Variants in SDCCAG8 observed in about 807,000 individuals in gnomAD.
SDCCAG8 encodes the protein SHH signaling and ciliogenesis regulator SDCCAG8.
Under a neutral mutation model 101.8 loss-of-function variants are expected in SDCCAG8, and 74 were observed. The ratio of observed to expected loss-of-function variants is 0.73; its 90% CI spans 0.60 to 0.88. The LOEUF (loss-of-function observed/expected upper bound fraction) is 0.88. Among genes scored for constraint, SDCCAG8 ranks in the 40% least tolerant of loss-of-function variants. The pLI, the probability that SDCCAG8 is intolerant of heterozygous loss-of-function variation, is 0.00. For missense variants in SDCCAG8, 787 were observed against 822.6 expected (o/e 0.96, Z 0.53); for synonymous variants, 281 against 292.9 (o/e 0.96, Z 0.41).
intron 16 of SDCCAG8, among the ~76,000 whole-genome samples, chr1:243,480,208 C>A (rs779028714): frequency 6.7e-6 from 1 of 150,352 alleles, no homozygotes; most frequent in Admixed American, 6.6e-5. Context: ...TGGAAGCACA[C>A]AACTCTATGA....
chr1:243,324,706 C>T (rs1558296401), intron 9 of SDCCAG8, among the ~76,000 whole-genome samples: 2 of 152,076 alleles, frequency 1.3e-5, no homozygotes, highest in Admixed American at 6.6e-5. Context: ...TCATCTAATT[C>T]CAGCATACTT....
chr1:243,481,124 G>A lies in SDCCAG8; in HGVS notation c.1986-7890G>A, dbSNP rs1236685903. Among the ~76,000 whole-genome samples, 2 of 152,082 alleles carry A rather than the reference G, an allele frequency of 1.3e-5. 1 individual carries two copies. The highest frequency in any genetic ancestry group is 4.8e-5 in the African/African-American group (2 of 41,378). ...TGAGATCAAGTGCTCAGGATCCTTG[G>A]CCTCTCCACTTGGAGTCATGAGTGT... On this transcript the variant is annotated intron_variant, in intron 16 of 17. Coordinates refer to ENST00000366541, the MANE Select transcript of SDCCAG8 (RefSeq NM_006642.5).
At chr1:243,289,231 AG>A (rs1304101537) in intron 5 of SDCCAG8, among the ~76,000 whole-genome samples, 2 of 152,182 alleles carry the variant, frequency 1.3e-5, no homozygotes, top group Admixed American at 1.3e-4. Context: ...CTGAGGTACA[AG>A]AACAGGAAGC....
At chr1:243,415,367 A>G (rs1235427112) in intron 13 of SDCCAG8, among the ~76,000 whole-genome samples, 1 of 152,194 alleles carries the variant, frequency 6.6e-6, no homozygotes, top group East Asian at 1.9e-4. Context: ...AAGATTGACC[A>G]CTCAGAAGAT....
chr1:243,424,707 T>G (rs2148037616), intron 15 of SDCCAG8, among the ~76,000 whole-genome samples: 1 of 152,202 alleles, frequency 6.6e-6, no homozygotes, highest in South Asian at 2.1e-4. Context: ...AAAGAAAGGT[T>G]GTTTCTAGAA....
At chr1:243,361,129 A>G (rs1006604432) in intron 12 of SDCCAG8, among the ~76,000 whole-genome samples, 1 of 152,156 alleles carries the variant, frequency 6.6e-6, no homozygotes, top group Non-Finnish European at 1.5e-5. Context: ...GTCACTGGTT[A>G]GCAAGGTGCT....
intron 4 of SDCCAG8, among the ~76,000 whole-genome samples, chr1:243,283,511 T>C (rs1459302120): frequency 6.6e-6 from 1 of 151,494 alleles, no homozygotes; most frequent in Admixed American, 6.6e-5. Context: ...ATTGCACTTC[T>C]TTTTTGGAAA....
intron 9 of SDCCAG8, among the ~76,000 whole-genome samples, chr1:243,325,853 A>G (rs1353907564): frequency 2.0e-5 from 3 of 152,240 alleles, no homozygotes; most frequent in Admixed American, 6.5e-5. Flanking sequence ...TTGTTTGAAA[A>G]TGGAAGTTAT....
At chr1:243,499,384 C>T (rs982291203) in intron 17 of SDCCAG8, among the ~76,000 whole-genome samples, 1 of 152,208 alleles carries the variant, frequency 6.6e-6, no homozygotes, top group Non-Finnish European at 1.5e-5. Context: ...AATTACCTGC[C>T]GTTAAGGTCA....
chr1:243,357,897 A>G (rs1457609765), intron 12 of SDCCAG8, among the ~76,000 whole-genome samples: 1 of 152,234 alleles, frequency 6.6e-6, no homozygotes, highest in East Asian at 1.9e-4. Flanking sequence ...CACAGGTAAA[A>G]GAAAGAACTT....
chr1:243,391,452 T>C (rs2078692912), intron 13 of SDCCAG8, among the ~76,000 whole-genome samples: 1 of 152,132 alleles, frequency 6.6e-6, no homozygotes, highest in Admixed American at 6.5e-5. Flanking sequence ...TCAGAAAATG[T>C]TTGGAAGCAG....
chr1:243,424,323 T>G (rs911120447), intron 15 of SDCCAG8, among the ~76,000 whole-genome samples: 29 of 152,164 alleles, frequency 1.9e-4, no homozygotes, highest in African/African-American at 6.5e-4. Flanking sequence ...ACCAGTGACA[T>G]CTACATTTTG....
chr1:243,425,743 G>A (rs1039243293), intron 15 of SDCCAG8, among the ~76,000 whole-genome samples: 3 of 152,102 alleles, frequency 2.0e-5, no homozygotes, highest in Non-Finnish European at 4.4e-5. Context: ...TTGAGACTTG[G>A]ATTGTCATCT....
chr1:243,345,654 A>T (rs2075660782), intron 12 of SDCCAG8, among the ~76,000 whole-genome samples: 1 of 152,196 alleles, frequency 6.6e-6, no homozygotes. Context: ...AATATTTTGG[A>T]CTAACTGCAA....
At chr1:243,379,014 A>G (rs2077771778) in intron 13 of SDCCAG8, 151 bp downstream of exon 13, 2 of 931,126 alleles carry the variant, frequency 2.1e-6, no homozygotes, top group African/African-American at 1.6e-5. Context: ...GTGGTAAGCA[A>G]AACACCCAGA....
chr1:243,494,269 T>G (rs906965408), intron 17 of SDCCAG8, among the ~76,000 whole-genome samples: 5 of 152,186 alleles, frequency 3.3e-5, no homozygotes, highest in Non-Finnish European at 5.9e-5. Flanking sequence ...GTCTCAAAAA[T>G]AAACACTGAT....
chr1:243,486,387 C>T (rs1213199649), intron 16 of SDCCAG8, among the ~76,000 whole-genome samples: 1 of 152,096 alleles, frequency 6.6e-6, no homozygotes, highest in Non-Finnish European at 1.5e-5. Context: ...TGTGGACATC[C>T]TGGTCAGCTG....
chr1:243,313,639 A>C (rs375494266), intron 8 of SDCCAG8, among the ~76,000 whole-genome samples: 7 of 152,286 alleles, frequency 4.6e-5, no homozygotes, highest in South Asian at 4.1e-4. Flanking sequence ...ACACATTCAC[A>C]TGGTGTTTCC....
chr1:243,426,548 A>G lies in SDCCAG8; in HGVS notation c.1975A>G (p.Met659Val), dbSNP rs537214737. 2 of 1,614,058 alleles carry G rather than the reference A, an allele frequency of 1.2e-6. No homozygotes were observed. The highest frequency in any genetic ancestry group is 2.2e-5 in the East Asian group (1 of 44,840). The change falls in exon 16 of 18, where the codon ATG becomes GTG. Residue 659 changes from methionine to valine, a missense_variant. By Grantham distance (21) the Met-to-Val change is conservative (BLOSUM62 1). Transcript: ENST00000366541. ...CVQHGRVHET[M>V]KQRLRQLDKH... ...CCAGCATGGGAGAGTACATGAGACG[A>G]TGAAGCAAAGGTAATCAAGGTTTCA...
Sources: allele counts gnomAD v4.1 joint callset (sites outside exome capture counted in the v4.1 genomes callset), GRCh38; gene constraint gnomAD v4.1.1; transcripts MANE v1.5; gene names NCBI Gene and HGNC (gene_info 2026-07-23, HGNC 2026-07-21).